BTK: variants seen among roughly 807,000 people sequenced by gnomAD.
BTK encodes the protein tyrosine-protein kinase BTK.
A neutral mutation model predicts 57.4 loss-of-function variants in BTK; 5 were observed. The observed-to-expected ratio is 0.09, with a 90% CI of 0.05 to 0.18. The LOEUF is 0.18. Among genes scored for constraint, BTK ranks in the 10% least tolerant of loss-of-function variants. The pLI is 1.00. For synonymous variants in BTK, 154 were observed against 174.3 expected (o/e 0.88, Z 0.92); for missense variants, 194 against 501.2 (o/e 0.39, Z 5.85).
chrX:101,353,060 T>G, intron 18 of BTK, 134 bp downstream of exon 18: 1 of 632,414 alleles, frequency 1.6e-6, no homozygotes, highest in Non-Finnish European at 2.4e-6. Context: ...AGCGAGACCT[T>G]GTCTCAAATT....
At chrX:101,370,769 T>C (rs1927000596) in intron 4 of BTK, among the ~76,000 whole-genome samples, 1 of 112,244 alleles carries the variant, frequency 8.9e-6, no homozygotes, top group Non-Finnish European at 1.9e-5. Flanking sequence ...TTTATAGACA[T>C]CACATAATAA....
At chrX:101,350,053 T>C in intron 18 of BTK, 97 bp from the exon 19 acceptor site, 1 of 599,558 alleles carries the variant, frequency 1.7e-6, no homozygotes, top group Non-Finnish European at 2.8e-6. Flanking sequence ...AAATATATGC[T>C]CTATGCCCAG....
chrX:101,371,568 C>A (rs1445788962), intron 4 of BTK, 65 bp downstream of exon 4: 1 of 1,006,554 alleles, frequency 9.9e-7, no homozygotes, highest in Non-Finnish European at 1.4e-6. Flanking sequence ...CTGCCCTGCA[C>A]CCCACCACCC....
intron 1 of BTK, among the ~76,000 whole-genome samples, chrX:101,381,849 T>C (rs925618515): frequency 9.1e-6 from 1 of 109,737 alleles, no homozygotes; most frequent in Non-Finnish European, 1.9e-5. Flanking sequence ...CTGACCAACA[T>C]GGAGAAACCC....
intron 17 of BTK, 38 bp downstream of exon 17, chrX:101,353,832 C>T (rs1555977436): frequency 9.5e-7 from 1 of 1,053,731 alleles, no homozygotes; most frequent in South Asian, 1.9e-5. Flanking sequence ...ATTTCTTATC[C>T]TTTGAGCTGT....
At chrX:101,375,698 G>A (rs782775189) in intron 1 of BTK, among the ~76,000 whole-genome samples, 1 of 112,504 alleles carries the variant, frequency 8.9e-6, no homozygotes, top group East Asian at 2.8e-4. Flanking sequence ...TGTTGATCTT[G>A]ATATACCCAG....
chrX:101,377,844 A>G (rs1222377909), intron 1 of BTK: 1 of 111,376 alleles, frequency 9.0e-6, no homozygotes. Flanking sequence ...CAGAATTGCC[A>G]TGATTTGGTA....
At chrX:101,362,095 C>T in intron 7 of BTK, 78 bp downstream of exon 7, 2 of 1,024,358 alleles carry the variant, frequency 2.0e-6, no homozygotes, top group Non-Finnish European at 2.8e-6. Flanking sequence ...CAGGGTAATT[C>T]TAAGACTCTA....
At chrX:101,387,119 A>G (rs781898375), upstream of BTK, among the ~76,000 whole-genome samples, 1 of 111,851 alleles carries the variant, frequency 8.9e-6, no homozygotes, top group South Asian at 3.8e-4. Context: ...AACAGATCAC[A>G]GGTCCCACTA....
intron 14 of BTK, 138 bp downstream of exon 14, chrX:101,356,646 C>T (rs1448312803): frequency 7.1e-6 from 5 of 702,608 alleles, no homozygotes; most frequent in Non-Finnish European, 1.1e-5. Context: ...CTTAGGACTA[C>T]CGCCAGTTAA....
chrX:101,369,824 CCT>C (rs1288046973), intron 5 of BTK, among the ~76,000 whole-genome samples, 172 bp downstream of exon 5: 3 of 107,355 alleles, frequency 2.8e-5, no homozygotes, highest in African/African-American at 6.8e-5. Flanking sequence ...TCCTCCCCTC[CCT>C]CTCTCTTTCT....
chrX:101,378,528 GACACACACACACAC>G (rs72139259), intron 1 of BTK, among the ~76,000 whole-genome samples: 1 of 95,362 alleles, frequency 1.0e-5, no homozygotes, highest in African/African-American at 3.9e-5. Context: ...CAAACATACA[GACACACACACACAC>G]ACACACACAC....
At chrX:101,353,803 G>T in intron 17 of BTK, 67 bp downstream of exon 17, 1 of 904,719 alleles carries the variant, frequency 1.1e-6, no homozygotes, top group Non-Finnish European at 1.6e-6. Context: ...AGGTTGCAAA[G>T]TGTGAATTTT....
chrX:101,354,017 A>G, intron 16 of BTK, 29 bp from the exon 17 acceptor site: 1 of 1,050,068 alleles, frequency 9.5e-7, no homozygotes, highest in Non-Finnish European at 1.3e-6. Flanking sequence ...TTGTTGCATT[A>G]GGATTTGGAG....
chrX:101,388,753 T>C (rs1453910438), upstream of BTK, among the ~76,000 whole-genome samples: 2 of 111,933 alleles, frequency 1.8e-5, no homozygotes, highest in Non-Finnish European at 3.8e-5. Flanking sequence ...TTTTTGCTGA[T>C]AGTAATCAAA....
intron 5 of BTK, among the ~76,000 whole-genome samples, chrX:101,362,987 T>A (rs1555978935): frequency 1.8e-5 from 2 of 112,336 alleles, no homozygotes; most frequent in African/African-American, 3.2e-5. Context: ...ATGTTATCTA[T>A]GTTTTCCCAG....
chrX:101,374,062 GA>G (rs1344557158), intron 3 of BTK, among the ~76,000 whole-genome samples: 8 of 110,182 alleles, frequency 7.3e-5, no homozygotes, highest in Non-Finnish European at 1.5e-4. Context: ...AAAAAAAAAA[GA>G]AAAAAAGAAA....
At chrX:101,350,401 CTT>C (rs782749965) in intron 18 of BTK, among the ~76,000 whole-genome samples, 12 of 68,710 alleles carry the variant, frequency 1.7e-4, no homozygotes, top group African/African-American at 4.5e-4. Flanking sequence ...TACCTGGGAC[CTT>C]TTTTTTTTTT....
chrX:101,352,899 CAAA>C (rs60191867), intron 18 of BTK: 895 of 166,066 alleles, frequency 5.4e-3, no homozygotes, highest in East Asian at 6.7e-3. Flanking sequence ...ACTGTGTCAC[CAAA>C]AAAAAAAAAA....
Sources: allele counts gnomAD v4.1 joint callset (sites outside exome capture counted in the v4.1 genomes callset), GRCh38; gene constraint gnomAD v4.1.1; transcripts MANE v1.5; gene names NCBI Gene and HGNC (gene_info 2026-07-23, HGNC 2026-07-21).